The following CBFA2T2 variants were observed in gnomAD, a reference collection of about 807,000 sequenced individuals.
The protein encoded by CBFA2T2 is protein CBFA2T2.
In CBFA2T2, 11 loss-of-function variants were observed where a neutral mutation model predicts 62.2. The ratio of observed to expected loss-of-function variants is 0.18; its 90% CI spans 0.11 to 0.29. The LOEUF (loss-of-function observed/expected upper bound fraction) is 0.29. Ranked by LOEUF, CBFA2T2 falls within the 10% of genes least tolerant of loss-of-function variation. The pLI is 1.00. For missense variants in CBFA2T2, 592 were observed against 774.1 expected (o/e 0.76, Z 2.79); for synonymous variants, 295 against 287.5 (o/e 1.03, Z -0.27).
intron 9 of CBFA2T2, chr20:33,639,422 AAATT>A (rs2016742162): frequency 6.6e-6 from 1 of 152,140 alleles, no homozygotes; most frequent in South Asian, 2.1e-4. Context: ...AAAATACAAA[AAATT>A]AGCCAGGTGT....
intron 1 of CBFA2T2, among the ~76,000 whole-genome samples, chr20:33,495,527 A>AAACGT (rs1200936365): frequency 6.6e-6 from 1 of 151,922 alleles, no homozygotes; most frequent in African/African-American, 2.4e-5. Flanking sequence ...CCCTACCAAA[A>AAACGT]AACGTACAAA....
chr20:33,492,026 G>T (rs762550624), intron 1 of CBFA2T2, among the ~76,000 whole-genome samples: 2 of 151,944 alleles, frequency 1.3e-5, no homozygotes, highest in Non-Finnish European at 2.9e-5. Context: ...GCGATTACAG[G>T]CGCCTGCCAC....
At chr20:33,533,514 T>TA (rs1283116608) in intron 1 of CBFA2T2, among the ~76,000 whole-genome samples, 1 of 152,194 alleles carries the variant, frequency 6.6e-6, no homozygotes, top group Non-Finnish European at 1.5e-5. Flanking sequence ...TATTGTTGAG[T>TA]AGTATTCTGT....
At chr20:33,588,537 A>C (rs2014477432) in intron 1 of CBFA2T2, among the ~76,000 whole-genome samples, 1 of 152,166 alleles carries the variant, frequency 6.6e-6, no homozygotes, top group South Asian at 2.1e-4. Flanking sequence ...GATTTATGCT[A>C]CATTATATTT....
chr20:33,558,698 G>A (rs2012990533), intron 1 of CBFA2T2, among the ~76,000 whole-genome samples: 1 of 151,954 alleles, frequency 6.6e-6, no homozygotes, highest in Non-Finnish European at 1.5e-5. Context: ...TATAATAGTG[G>A]CAATTGGTGA....
chr20:33,638,119 C>T (rs2016695723), intron 9 of CBFA2T2, among the ~76,000 whole-genome samples: 1 of 151,630 alleles, frequency 6.6e-6, no homozygotes, highest in South Asian at 2.1e-4. Context: ...GGATTACAGG[C>T]ACCCCCGACC....
intron 1 of CBFA2T2, among the ~76,000 whole-genome samples, chr20:33,577,783 C>CAT (rs2013896317): frequency 6.6e-6 from 1 of 152,098 alleles, no homozygotes; most frequent in Non-Finnish European, 1.5e-5. Flanking sequence ...TTCTCTGAGC[C>CAT]TTAGCTTCTG....
chr20:33,504,418 T>TA, intron 1 of CBFA2T2, among the ~76,000 whole-genome samples: 1 of 150,032 alleles, frequency 6.7e-6, no homozygotes, highest in Admixed American at 6.6e-5. Context: ...TTTTTTTTTT[T>TA]TTTTTTTTAA....
chr20:33,536,988 C>T (rs1231322099), intron 1 of CBFA2T2, among the ~76,000 whole-genome samples: 2 of 151,614 alleles, frequency 1.3e-5, no homozygotes, highest in Admixed American at 6.6e-5. Flanking sequence ...GGAAGAGGCG[C>T]TCCTCACTTT....
At chr20:33,533,021 C>T (rs906537288) in intron 1 of CBFA2T2, among the ~76,000 whole-genome samples, 5 of 152,166 alleles carry the variant, frequency 3.3e-5, no homozygotes, top group East Asian at 1.9e-4. Flanking sequence ...GAGAACTACA[C>T]GCCCCTTCCT....
At position 33,528,663 on chromosome 20, in the gene CBFA2T2, C is replaced by T. The variant is rs77946054; in HGVS notation, c.34+38362C>T. Among the ~76,000 whole-genome samples, 770 of 150,056 alleles carry T rather than the reference C, an allele frequency of 5.1e-3. 1 individual carries two copies. The highest frequency in any genetic ancestry group is 8.9e-3 in the Admixed American group (132 of 14,838). ...TTTTGCCAGTTATATATACATGTAACTATGTTAACCTGCCTTAAATGTCCA... is the reference window on the plus strand; with the variant it reads ...TTTTGCCAGTTATATATACATGTAATTATGTTAACCTGCCTTAAATGTCCA... On this transcript the variant is annotated intron_variant, in intron 1 of 10. Transcript: ENST00000342704.
intron 1 of CBFA2T2, among the ~76,000 whole-genome samples, chr20:33,494,426 T>G (rs6141955): frequency 6.8e-6 from 1 of 146,920 alleles, no homozygotes; most frequent in African/African-American, 2.5e-5. Context: ...GGACTACAGG[T>G]GCCCGCCGCC....
At chr20:33,571,471 A>T (rs565791324) in intron 1 of CBFA2T2, among the ~76,000 whole-genome samples, 1 of 152,144 alleles carries the variant, frequency 6.6e-6, no homozygotes, top group African/African-American at 2.4e-5. Flanking sequence ...TCATATATCC[A>T]TTTTTTTCTT....
chr20:33,514,221 T>TG (rs1555829697), intron 1 of CBFA2T2, among the ~76,000 whole-genome samples: 1 of 132,964 alleles, frequency 7.5e-6, no homozygotes, highest in African/African-American at 2.8e-5. Context: ...TTTTTTTTTT[T>TG]TTTTTTTTTT....
At chr20:33,596,381 G>C (rs1403571293) in intron 1 of CBFA2T2, among the ~76,000 whole-genome samples, 1 of 152,100 alleles carries the variant, frequency 6.6e-6, no homozygotes, top group Non-Finnish European at 1.5e-5. Flanking sequence ...AAATAAGTAG[G>C]TTTAAAAAGG....
At chr20:33,519,909 G>A (rs1024543845) in intron 1 of CBFA2T2, among the ~76,000 whole-genome samples, 2 of 152,122 alleles carry the variant, frequency 1.3e-5, no homozygotes, top group African/African-American at 4.8e-5. Flanking sequence ...CACTTTGGGA[G>A]GCCGAGGCAG....
At chr20:33,606,308 A>G (rs1038955694) in intron 1 of CBFA2T2, among the ~76,000 whole-genome samples, 9 of 152,146 alleles carry the variant, frequency 5.9e-5, no homozygotes, top group African/African-American at 1.9e-4. Flanking sequence ...CTCAGCCACT[A>G]TCTAAAGACT....
intron 3 of CBFA2T2, among the ~76,000 whole-genome samples, chr20:33,615,732 C>A (rs2122310995): frequency 6.6e-6 from 1 of 151,900 alleles, no homozygotes; most frequent in Non-Finnish European, 1.5e-5. Flanking sequence ...CAGAGCAAGA[C>A]CCCATCACTT....
intron 7 of CBFA2T2, among the ~76,000 whole-genome samples, chr20:33,629,094 A>C (rs2016355553): frequency 6.6e-6 from 1 of 152,206 alleles, no homozygotes; most frequent in African/African-American, 2.4e-5. Flanking sequence ...GCAACATAGC[A>C]AGATGGAATT....
Sources: allele counts gnomAD v4.1 joint callset (sites outside exome capture counted in the v4.1 genomes callset), GRCh38; gene constraint gnomAD v4.1.1; transcripts MANE v1.5; gene names NCBI Gene and HGNC (gene_info 2026-07-23, HGNC 2026-07-21).